Variants in INSR observed in about 807,000 individuals in gnomAD.
INSR encodes the protein IR.
In INSR, 67 loss-of-function variants were observed where a neutral mutation model predicts 142.6. That is an observed-to-expected ratio of 0.47 (90% CI 0.39 to 0.58). INSR has a LOEUF of 0.58. INSR is among the 20% of genes least tolerant of loss of function. The pLI is 0.00. For synonymous variants in INSR, 756 were observed against 743.1 expected (o/e 1.02, Z -0.28); for missense variants, 1,248 against 1,833.2 (o/e 0.68, Z 5.83).
At chr19:7,262,510 G>A (rs974814215) in intron 2 of INSR, among the ~76,000 whole-genome samples, 1 of 152,140 alleles carries the variant, frequency 6.6e-6, no homozygotes, top group Non-Finnish European at 1.5e-5. Context: ...TAAAGCCTCA[G>A]CAACAAGGTT....
chr19:7,198,335 C>T (rs1974851415), intron 2 of INSR, among the ~76,000 whole-genome samples: 1 of 151,998 alleles, frequency 6.6e-6, no homozygotes, highest in African/African-American at 2.4e-5. Context: ...GCGGTCCCGG[C>T]CAGAGGAAAG....
chr19:7,154,649 C>T (rs566755952), intron 9 of INSR, among the ~76,000 whole-genome samples: 33 of 150,406 alleles, frequency 2.2e-4, no homozygotes, highest in African/African-American at 7.3e-4. Context: ...GGTGGCTGGG[C>T]GCGGTGGCTC....
chr19:7,231,297 T>G (rs1975967290), intron 2 of INSR, among the ~76,000 whole-genome samples: 1 of 726 alleles, frequency 1.4e-3, no homozygotes, highest in East Asian at 0.028. Context: ...TGTTTTTTGT[T>G]TTTTTTTTTT....
At chr19:7,250,108 A>G (rs1976664916) in intron 2 of INSR, among the ~76,000 whole-genome samples, 1 of 151,836 alleles carries the variant, frequency 6.6e-6, no homozygotes, top group African/African-American at 2.4e-5. Context: ...GCTGTTAGCT[A>G]TGATCATGCT....
intron 1 of INSR, among the ~76,000 whole-genome samples, chr19:7,283,309 G>A (rs934146307): frequency 6.6e-6 from 1 of 152,142 alleles, no homozygotes; most frequent in African/African-American, 2.4e-5. Context: ...TGGGCCAGGG[G>A]TTTTTGGACA....
chr19:7,231,521 G>A (rs549031397), intron 2 of INSR, among the ~76,000 whole-genome samples: 10 of 151,984 alleles, frequency 6.6e-5, no homozygotes, highest in East Asian at 5.8e-4. Flanking sequence ...GGCTGGTCTC[G>A]AACTGCTGAC....
chr19:7,196,228 C>A (rs1252295625), intron 2 of INSR, among the ~76,000 whole-genome samples: 2 of 152,174 alleles, frequency 1.3e-5, no homozygotes, highest in Non-Finnish European at 2.9e-5. Flanking sequence ...AGCCACCACG[C>A]CTGGCCTCAG....
intron 11 of INSR, among the ~76,000 whole-genome samples, chr19:7,145,438 A>C (rs1371570880): frequency 6.6e-6 from 1 of 152,016 alleles, no homozygotes; most frequent in Non-Finnish European, 1.5e-5. Flanking sequence ...CTTTTTGCTT[A>C]TTTCTATGTA....
At chr19:7,122,846 G>C (rs2288405) in intron 18 of INSR, 33 bp downstream of exon 18, 2 of 1,610,918 alleles carry the variant, frequency 1.2e-6, no homozygotes, top group East Asian at 2.2e-5. Context: ...GTGCTCCACC[G>C]AGTACCCCGC....
In INSR at chr19:7,124,540, GGAAAAAAAAAAAAAAAAAAAAAAAAA is replaced by G. The variant is rs1972577812; in HGVS notation, c.3258+717_3258+742del. The stretch of plus-strand genomic sequence containing the variant: ...CACAACAAAGCGAGACTCCGTTTCA[GGAAAAAAAAAAAAAAAAAAAAAAAAA>G]AAAAAAAAAAAAAAAAAAAAAAATA... On this transcript the variant is annotated intron_variant, in intron 17 of 21. Coordinates refer to ENST00000302850, the MANE Select transcript of INSR (RefSeq NM_000208.4). 1.9e-3 allele frequency among the ~76,000 whole-genome samples: 21 copies of G among 10,804 alleles called. 3 individuals are homozygous for G. The East Asian group carries it at 0.042, about 22-fold the overall frequency. The allele number at this position is 10,804 out of a possible 152,430, so 7.1% of individuals were successfully genotyped here.
At chr19:7,227,350 G>A (rs546486210) in intron 2 of INSR, among the ~76,000 whole-genome samples, 109 of 151,578 alleles carry the variant, frequency 7.2e-4, no homozygotes, top group African/African-American at 2.4e-3. Flanking sequence ...ACAGCTCACC[G>A]CAGCCTCAAC....
chr19:7,236,296 T>C lies in INSR; in HGVS notation c.652+31049A>G, dbSNP rs1004105107. On this transcript the variant is annotated intron_variant, in intron 2 of 21. Coordinates refer to ENST00000302850, the MANE Select transcript of INSR (RefSeq NM_000208.4). Reference sequence around the variant, plus strand: ...CTTATACACACTTCTACTACACAACTCATCCATTCTGCTCCAGGATATAAC... The same window carrying C: ...CTTATACACACTTCTACTACACAACCCATCCATTCTGCTCCAGGATATAAC... Among the ~76,000 whole-genome samples, 19 of 152,200 alleles carry C rather than the reference T, an allele frequency of 1.2e-4. No homozygotes were observed. The South Asian group carries it at 2.1e-3, about 17-fold the overall frequency.
chr19:7,116,896 C>G lies in INSR; in HGVS notation c.*160G>C. On this transcript the variant is annotated 3_prime_UTR_variant, in exon 22 of 22. Coordinates refer to ENST00000302850, the MANE Select transcript of INSR (RefSeq NM_000208.4). ...CTGCAGGACTAGTTAAATTGGTAAC[C>G]AAACGAGTCCACCTTAAGATGAACA... 1.5e-6 allele frequency: 1 copy of G among 672,610 alleles called. No homozygotes were observed. Among genetic ancestry groups the G allele is most frequent in the Non-Finnish European group, 2.7e-6 (1 of 373,632 alleles). The allele number at this position is 672,610 out of a possible 1,614,324, so 41.7% of individuals were successfully genotyped here.
chr19:7,233,150 C>T (rs1015865284), intron 2 of INSR, among the ~76,000 whole-genome samples: 39 of 152,060 alleles, frequency 2.6e-4, no homozygotes, highest in Non-Finnish European at 5.0e-4. Context: ...CCAGCCACCA[C>T]ACCTGGCTAA....
At chr19:7,158,139 C>T (rs1973649724) in intron 9 of INSR, among the ~76,000 whole-genome samples, 1 of 151,118 alleles carries the variant, frequency 6.6e-6, no homozygotes, top group Non-Finnish European at 1.5e-5. Context: ...TTCCTGATAC[C>T]TGCTACCTCT....
intron 8 of INSR, among the ~76,000 whole-genome samples, chr19:7,164,139 C>A (rs567665514): frequency 6.9e-6 from 1 of 144,350 alleles, no homozygotes. Flanking sequence ...GCCTACAGGA[C>A]GGGGTTTCTC....
intron 4 of INSR, among the ~76,000 whole-genome samples, chr19:7,173,612 C>CTTTTTTTT (rs953885301): frequency 1.6e-4 from 10 of 61,498 alleles, no homozygotes; most frequent in African/African-American, 2.6e-4. Flanking sequence ...CAGCGCCTGG[C>CTTTTTTTT]TTTTTTTTTT....
At chr19:7,189,299 C>T (rs949296848) in intron 2 of INSR, among the ~76,000 whole-genome samples, 10 of 152,222 alleles carry the variant, frequency 6.6e-5, no homozygotes, top group Admixed American at 5.9e-4. Flanking sequence ...TAAGTCCTTC[C>T]GGCCTAGACA....
chr19:7,152,802 T>C lies in INSR; in HGVS notation c.2155A>G (p.Ile719Val). The C allele has an allele frequency of 6.2e-7, 1 of 1,613,462 alleles. No individual in the cohort carries two copies. Among genetic ancestry groups the C allele is most frequent in the South Asian group, 1.1e-5 (1 of 91,060 alleles). The part of the protein sequence containing the change: ...CCSCPKTDSQ[I>V]LKELEESSFR... ...GAGGACTCCTCCAGCTCCTTCAGGA[T>C]CTGAGAGTCTGTCTTTGGACAGGAG... The change falls in exon 10 of 22, where the codon ATC becomes GTC. Residue 719 changes from isoleucine to valine, a missense_variant. By Grantham distance (29) the Ile-to-Val change is conservative (BLOSUM62 3). Coordinates refer to ENST00000302850, the MANE Select transcript of INSR (RefSeq NM_000208.4).
Sources: allele counts gnomAD v4.1 joint callset (sites outside exome capture counted in the v4.1 genomes callset), GRCh38; gene constraint gnomAD v4.1.1; transcripts MANE v1.5; gene names NCBI Gene and HGNC (gene_info 2026-07-23, HGNC 2026-07-21).